PPP1R3B: variants seen among roughly 807,000 people sequenced by gnomAD.
PPP1R3B encodes the protein PP1 subunit R4.
A neutral mutation model predicts 14.6 loss-of-function variants in PPP1R3B; 8 were observed. The ratio of observed to expected loss-of-function variants is 0.55; its 90% CI spans 0.32 to 0.99. The LOEUF is 0.99. PPP1R3B is among the 50% of genes least tolerant of loss of function. The pLI, the probability that PPP1R3B is intolerant of heterozygous loss-of-function variation, is 0.04. For missense variants in PPP1R3B, 452 were observed against 360.1 expected (o/e 1.26, Z -2.07); for synonymous variants, 169 against 142.0 (o/e 1.19, Z -1.35).
In PPP1R3B at chr8:9,141,497, G is replaced by T; in HGVS notation, c.155C>A (p.Pro52Gln). The T allele has an allele frequency of 6.2e-7, 1 of 1,614,112 alleles. No homozygotes were observed. Among genetic ancestry groups the T allele is most frequent in the South Asian group, 1.1e-5 (1 of 91,074 alleles). The change falls in exon 2 of 2, where the codon CCG (proline) becomes CAG (glutamine). Residue 52 changes from proline (P) to glutamine (Q), a missense_variant. Coordinates refer to ENST00000310455, the MANE Select transcript of PPP1R3B (RefSeq NM_024607.4). Reference sequence around the variant, plus strand: ...TTTCACCTTCTTCTCCTGGACAGCCGGGGCCACCATTCCACTGGCTTCATT... The same window carrying T: ...TTTCACCTTCTTCTCCTGGACAGCCTGGGCCACCATTCCACTGGCTTCATT... ...SKNEASGMVA[P>Q]AVQEKKVKKR...
intron 1 of PPP1R3B, among the ~76,000 whole-genome samples, chr8:9,146,985 TA>T (rs1801259931): frequency 6.6e-6 from 1 of 152,082 alleles, no homozygotes; most frequent in Non-Finnish European, 1.5e-5. Context: ...GTCTTATTTT[TA>T]ATTTTTTTTT....
chr8:9,142,989 G>A (rs991525606), intron 1 of PPP1R3B, among the ~76,000 whole-genome samples: 4 of 152,282 alleles, frequency 2.6e-5, no homozygotes, highest in East Asian at 1.9e-4. Context: ...ATAACTCTCC[G>A]ATACACTGAC....
chr8:9,140,541 C>A lies in PPP1R3B; in HGVS notation c.*253G>T. 1.8e-6 allele frequency: 1 copy of A among 544,456 alleles called. No homozygotes were observed. Among genetic ancestry groups the A allele is most frequent in the African/African-American group, 2.1e-5 (1 of 48,088 alleles). 33.7% of individuals were successfully genotyped at this position (544,456 alleles called of 1,614,324 possible). A position where few individuals can be genotyped will look rare whatever the true frequency, so the allele number is the denominator to read the frequency against. ...ATACCCTTTCCAGCACAGACGTGCA[C>A]AGACTCTCGTGGCTGCCACAGTGCG... On this transcript the variant is annotated 3_prime_UTR_variant, in exon 2 of 2. Coordinates refer to ENST00000310455, the MANE Select transcript of PPP1R3B (RefSeq NM_024607.4).
At chr8:9,144,121 AAAAC>A (rs1801165163) in intron 1 of PPP1R3B, among the ~76,000 whole-genome samples, 1 of 152,132 alleles carries the variant, frequency 6.6e-6, no homozygotes, top group Non-Finnish European at 1.5e-5. Flanking sequence ...ATTTAGATGA[AAAAC>A]AATGTCTGTT....
In PPP1R3B at chr8:9,141,219, T is replaced by C. The variant is rs1392459675; in HGVS notation, c.433A>G (p.Ile145Val). The C allele has an allele frequency of 2.5e-6, 4 of 1,614,200 alleles. No individual in the cohort carries two copies. Among genetic ancestry groups the C allele is most frequent in the South Asian group, 1.1e-5 (1 of 91,088 alleles). Residue 145 changes from isoleucine (I) to valine (V), a missense_variant, in exon 2 of 2, where the codon ATT (isoleucine) becomes GTT (valine). Coordinates refer to ENST00000310455, the MANE Select transcript of PPP1R3B (RefSeq NM_024607.4). ...LENCVLKDKA[I>V]AGTVKVQNLA... Reference sequence around the variant, plus strand: ...TTCTGAACCTTCACAGTGCCTGCAATGGCCTTGTCCTTGAGCACACAGTTC... The same window carrying C: ...TTCTGAACCTTCACAGTGCCTGCAACGGCCTTGTCCTTGAGCACACAGTTC...
chr8:9,145,530 G>T (rs1052021099), intron 1 of PPP1R3B: 1 of 152,194 alleles, frequency 6.6e-6, no homozygotes, highest in African/African-American at 2.4e-5. Flanking sequence ...GATGTTATTG[G>T]TAAGACTCTG....
At position 9,141,281 on chromosome 8, in the gene PPP1R3B, A is replaced by G; in HGVS notation, c.371T>C (p.Phe124Ser). 1.2e-6 allele frequency: 2 copies of G among 1,614,096 alleles called. No individual in the cohort carries two copies. Among genetic ancestry groups the G allele is most frequent in the South Asian group, 2.2e-5 (2 of 91,070 alleles). ...GTGGTCGGCCTGAAGTCGATTTCTAAAGTCTAAGTAATCTGCAGAGGGCTG... is the reference window on the plus strand; with the variant it reads ...GTGGTCGGCCTGAAGTCGATTTCTAGAGTCTAAGTAATCTGCAGAGGGCTG... ...FSQPSADYLD[F>S]RNRLQADHVC... The change falls in exon 2 of 2, where the codon TTT becomes TCT. Residue 124 changes from phenylalanine (F) to serine (S), a missense_variant. By Grantham distance (155) the Phe-to-Ser change is radical. Transcript: ENST00000310455.
At chr8:9,149,040 A>AT (rs1801330115) in intron 1 of PPP1R3B, among the ~76,000 whole-genome samples, 1 of 149,434 alleles carries the variant, frequency 6.7e-6, no homozygotes, top group Non-Finnish European at 1.5e-5. Flanking sequence ...ACAAAAAAAA[A>AT]AAATTAGCCG....
rs747030716 is a variant in PPP1R3B, at chr8:9,141,114, C to T, written c.538G>A (p.Val180Met). The T allele has an allele frequency of 2.4e-5, 38 of 1,614,058 alleles. No homozygotes were observed. The highest frequency in any genetic ancestry group is 2.5e-5 in the Non-Finnish European group (30 of 1,180,042). ...KSYTDFPCQY[V>M]KDTYAGSDRD... ...TCTGAACCGGCATAAGTGTCCTTCA[C>T]GTACTGACAAGGAAAGTCTGTGTAG... Residue 180 changes from valine (V) to methionine (M), a missense_variant, in exon 2 of 2, where the codon GTG becomes ATG. Coordinates refer to ENST00000310455, the MANE Select transcript of PPP1R3B (RefSeq NM_024607.4).
intron 1 of PPP1R3B, among the ~76,000 whole-genome samples, chr8:9,143,297 C>T (rs576209794): frequency 6.6e-6 from 1 of 152,230 alleles, no homozygotes; most frequent in South Asian, 2.1e-4. Flanking sequence ...TTGGGTGTTT[C>T]CTATATGGCA....
chr8:9,140,115 T>G lies in PPP1R3B; in HGVS notation c.*679A>C, dbSNP rs1398956696. 2 of 155,042 alleles carry G rather than the reference T, an allele frequency of 1.3e-5. No homozygotes were observed. The highest frequency in any genetic ancestry group is 2.9e-5 in the Non-Finnish European group (2 of 69,766). The allele number at this position is 155,042 out of a possible 1,614,324, so 9.6% of individuals were successfully genotyped here. The stretch of plus-strand genomic sequence containing the variant: ...TCTCTGCTGGAATACATCTGTGGGG[T>G]CAAGAAGCGGGAGGAGGAAATGCCT... On this transcript the variant is annotated 3_prime_UTR_variant, in exon 2 of 2. Transcript: ENST00000310455.
In PPP1R3B at chr8:9,138,154, C is replaced by A. The variant is rs1352823669; in HGVS notation, c.*2640G>T. On this transcript the variant is annotated 3_prime_UTR_variant, in exon 2 of 2. Coordinates refer to ENST00000310455, the MANE Select transcript of PPP1R3B (RefSeq NM_024607.4). Reference sequence around the variant, plus strand: ...CTTAAGGCAAAGTAAAATTCAGGACCTGCATGAAATCAGTTTTGCTTCCAT... The same window carrying A: ...CTTAAGGCAAAGTAAAATTCAGGACATGCATGAAATCAGTTTTGCTTCCAT... 5 of 152,166 alleles carry A rather than the reference C, an allele frequency of 3.3e-5. No individual in the cohort carries two copies. The highest frequency in any genetic ancestry group is 1.5e-5 in the Non-Finnish European group (1 of 68,028). 9.4% of individuals were successfully genotyped at this position (152,166 alleles called of 1,614,324 possible).
chr8:9,139,890 C>T lies in PPP1R3B; in HGVS notation c.*904G>A, dbSNP rs1022646875. ...AAGAATGAGACAAACCAGCCAAGCACGTTAAAGTCATTGAGCTTTCGGGGG... is the reference window on the plus strand; with the variant it reads ...AAGAATGAGACAAACCAGCCAAGCATGTTAAAGTCATTGAGCTTTCGGGGG... On this transcript the variant is annotated 3_prime_UTR_variant, in exon 2 of 2. Transcript: ENST00000310455. 3 of 152,294 alleles carry T rather than the reference C, an allele frequency of 2.0e-5. No homozygotes were observed. The highest frequency in any genetic ancestry group is 2.9e-5 in the Non-Finnish European group (2 of 68,042). 9.4% of individuals were successfully genotyped at this position (152,294 alleles called of 1,614,324 possible).
At position 9,138,242 on chromosome 8, in the gene PPP1R3B, C is replaced by T. The variant is rs946095444; in HGVS notation, c.*2552G>A. The stretch of plus-strand genomic sequence containing the variant: ...AAATTTATAACATTTAAAGTACTGT[C>T]TGTTACCCGATGTCTGGTATGTTTA... On this transcript the variant is annotated 3_prime_UTR_variant, in exon 2 of 2. Coordinates refer to ENST00000310455, the MANE Select transcript of PPP1R3B (RefSeq NM_024607.4). The T allele has an allele frequency of 6.6e-6, 1 of 152,040 alleles. No individual in the cohort carries two copies. The highest frequency in any genetic ancestry group is 2.4e-5 in the African/African-American group (1 of 41,426). The allele number at this position is 152,040 out of a possible 1,614,324, so 9.4% of individuals were successfully genotyped here.
rs1307803273 is a variant in PPP1R3B at position 9,138,140 on chromosome 8, G to A, written c.*2654C>T. The stretch of plus-strand genomic sequence containing the variant: ...TGGGGAGGGCACTTCTTAAGGCAAA[G>A]TAAAATTCAGGACCTGCATGAAATC... On this transcript the variant is annotated 3_prime_UTR_variant, in exon 2 of 2. Coordinates refer to ENST00000310455, the MANE Select transcript of PPP1R3B (RefSeq NM_024607.4). 1.3e-5 allele frequency: 2 copies of A among 152,276 alleles called. No homozygotes were observed. The highest frequency in any genetic ancestry group is 1.5e-5 in the Non-Finnish European group (1 of 68,022). The allele number at this position is 152,276 out of a possible 1,614,324, so 9.4% of individuals were successfully genotyped here.
rs1801146733 is a variant in PPP1R3B, at chr8:9,143,346, G to A, written c.-17-1678C>T. 2.6e-5 allele frequency among the ~76,000 whole-genome samples: 4 copies of A among 152,194 alleles called. No individual in the cohort carries two copies. The South Asian group carries it at 8.3e-4, about 32-fold the overall frequency. On this transcript the variant is annotated intron_variant, in intron 1 of 1. Transcript: ENST00000310455. ...ATACTGGGATTCAATAGTGAAGATAGACACAAACCTGCTTTCATTAAGTTT... is the reference window on the plus strand; with the variant it reads ...ATACTGGGATTCAATAGTGAAGATAAACACAAACCTGCTTTCATTAAGTTT...
Position 9,140,866 on chromosome 8 carries a change from A to G in PPP1R3B, c.786T>C (p.Pro262=), listed in dbSNP as rs761954027. The change falls in exon 2 of 2, where the codon CCT becomes CCC. Residue 262 remains proline, a synonymous_variant. Coordinates refer to ENST00000310455, the MANE Select transcript of PPP1R3B (RefSeq NM_024607.4). ...CTGGAAACAGACCATAGGAACACCGAGGGCTTCCGAACTGGTCAAAGGATA... is the reference window on the plus strand; with the variant it reads ...CTGGAAACAGACCATAGGAACACCGGGGGCTTCCGAACTGGTCAAAGGATA... ...LGISFDQFGS[P]RCSYGLFPEW... The G allele has an allele frequency of 3.1e-6, 5 of 1,614,134 alleles. 1 individual carries two copies. The South Asian group carries it at 4.4e-5, about 14-fold the overall frequency.
chr8:9,149,208 A>AAAAT (rs1280289297), intron 1 of PPP1R3B, among the ~76,000 whole-genome samples: 22 of 136,642 alleles, frequency 1.6e-4, no homozygotes, highest in African/African-American at 6.0e-4. Flanking sequence ...AAAAAAAAAA[A>AAAAT]GGCAAAAAAA....
At chr8:9,149,022 C>T (rs1801329371) in intron 1 of PPP1R3B, among the ~76,000 whole-genome samples, 1 of 146,926 alleles carries the variant, frequency 6.8e-6, no homozygotes. Flanking sequence ...CCCGTCTCTA[C>T]TAAAAATACA....
Sources: gnomAD v4.1 joint callset for allele counts (sites outside exome capture counted in the v4.1 genomes callset) on GRCh38, gnomAD v4.1.1 for gene constraint, MANE v1.5 for transcripts, NCBI Gene and HGNC (gene_info 2026-07-23, HGNC 2026-07-21) for gene names.